Variants in RAD18 observed in about 807,000 individuals in gnomAD.
RAD18 encodes RAD18 E3 ubiquitin protein ligase, also known as E3 ubiquitin-protein ligase RAD18.
In RAD18, 47 loss-of-function variants were observed where a neutral mutation model predicts 60.4. The ratio of observed to expected loss-of-function variants is 0.78; its 90% CI spans 0.62 to 0.99. RAD18 has a LOEUF of 0.99. Among genes scored for constraint, RAD18 ranks in the 50% least tolerant of loss-of-function variants. The pLI is 0.00. For synonymous variants in RAD18, 225 were observed against 195.5 expected (o/e 1.15, Z -1.26); for missense variants, 640 against 593.3 (o/e 1.08, Z -0.82).
intron 2 of RAD18, among the ~76,000 whole-genome samples, chr3:8,955,010 A>G (rs1281235414): frequency 6.6e-6 from 1 of 152,226 alleles, no homozygotes; most frequent in Non-Finnish European, 1.5e-5. Context: ...ACTTCCTCTT[A>G]AAGAATGGCA....
chr3:8,884,134 G>C (rs984012237), intron 12 of RAD18, among the ~76,000 whole-genome samples: 3 of 152,206 alleles, frequency 2.0e-5, no homozygotes, highest in African/African-American at 7.2e-5. Flanking sequence ...CAGCCTGCTG[G>C]TCCTCACCAT....
In RAD18 at chr3:8,879,494, A is replaced by G. The variant is rs755785443; in HGVS notation, c.*1863T>C. 1.3e-5 allele frequency: 2 copies of G among 152,278 alleles called. No homozygotes were observed. Among genetic ancestry groups the G allele is most frequent in the Non-Finnish European group, 2.9e-5 (2 of 68,100 alleles). The allele number at this position is 152,278 out of a possible 1,614,324, so 9.4% of individuals were successfully genotyped here. ...TGATCTTGGACTTCCAGCCTCCAGA[A>G]TTCTGAGAATACACATTTCTGTTGT... On this transcript the variant is annotated 3_prime_UTR_variant, in exon 13 of 13. Coordinates refer to ENST00000264926, the MANE Select transcript of RAD18 (RefSeq NM_020165.4).
chr3:8,929,634 C>A (rs563483715), intron 7 of RAD18, among the ~76,000 whole-genome samples: 1 of 120,786 alleles, frequency 8.3e-6, no homozygotes, highest in Non-Finnish European at 1.7e-5. Flanking sequence ...CATGGAGCAA[C>A]TGGAATTAAT....
At chr3:8,913,496 T>C (rs1266385391) in intron 8 of RAD18, 148 bp downstream of exon 8, 3 of 533,224 alleles carry the variant, frequency 5.6e-6, no homozygotes, top group African/African-American at 4.0e-5. Context: ...TCAAATATTG[T>C]CCTAAAATGA....
At chr3:8,945,468 C>CTTGTTT (rs1940824129) in intron 4 of RAD18, among the ~76,000 whole-genome samples, 1 of 96,374 alleles carries the variant, frequency 1.0e-5, no homozygotes, top group Non-Finnish European at 2.0e-5. Flanking sequence ...TTTCCATCTT[C>CTTGTTT]TTTTTTTTTT....
chr3:8,889,809 T>C (rs917530059), intron 12 of RAD18, among the ~76,000 whole-genome samples: 20 of 152,196 alleles, frequency 1.3e-4, no homozygotes, highest in African/African-American at 3.9e-4. Flanking sequence ...CATTCAAGAT[T>C]TTTAGAGCAG....
intron 7 of RAD18, among the ~76,000 whole-genome samples, chr3:8,927,972 G>C (rs1216145107): frequency 6.6e-6 from 1 of 150,846 alleles, no homozygotes; most frequent in Non-Finnish European, 1.5e-5. Context: ...TGACGAGTTA[G>C]TGGGGGCAGC....
At chr3:8,961,116 T>C (rs934551351) in intron 1 of RAD18, among the ~76,000 whole-genome samples, 10 of 152,136 alleles carry the variant, frequency 6.6e-5, no homozygotes, top group Non-Finnish European at 1.2e-4. Flanking sequence ...CCTCTTCTGG[T>C]GGAGGAATGA....
chr3:8,949,096 A>G (rs1257835099), intron 2 of RAD18, among the ~76,000 whole-genome samples: 1 of 152,230 alleles, frequency 6.6e-6, no homozygotes, highest in African/African-American at 2.4e-5. Flanking sequence ...AGGAGCTAAT[A>G]AAATAGTGAA....
At chr3:8,909,968 G>A (rs1264971786) in intron 9 of RAD18, among the ~76,000 whole-genome samples, 1 of 152,210 alleles carries the variant, frequency 6.6e-6, no homozygotes, top group Non-Finnish European at 1.5e-5. Flanking sequence ...CCTGGCAAAT[G>A]TATTCTACCA....
chr3:8,916,722 G>T (rs1003422889), intron 7 of RAD18, among the ~76,000 whole-genome samples: 3 of 151,730 alleles, frequency 2.0e-5, no homozygotes, highest in African/African-American at 7.3e-5. Context: ...CACAGTAACA[G>T]ATAACTTGAC....
chr3:8,915,147 CAAAAA>C (rs373157801), intron 7 of RAD18, among the ~76,000 whole-genome samples: 1 of 101,456 alleles, frequency 9.9e-6, no homozygotes, highest in Non-Finnish European at 1.9e-5. Context: ...GACTCCGTCT[CAAAAA>C]AAAAAAAAAA....
intron 7 of RAD18, among the ~76,000 whole-genome samples, chr3:8,927,161 C>A (rs1033580354): frequency 5.9e-5 from 9 of 152,200 alleles, no homozygotes; most frequent in Non-Finnish European, 1.3e-4. Context: ...ATCTACTCAT[C>A]TGACAAAGGG....
intron 7 of RAD18, among the ~76,000 whole-genome samples, chr3:8,933,237 C>T (rs1325859733): frequency 2.0e-5 from 3 of 151,998 alleles, no homozygotes; most frequent in African/African-American, 4.8e-5. Context: ...TTGTGTAATT[C>T]CACTTATGTG....
At position 8,879,032 on chromosome 3, in the gene RAD18, A is replaced by C. The variant is rs935630755; in HGVS notation, c.*2325T>G. 5 of 152,220 alleles carry C rather than the reference A, an allele frequency of 3.3e-5. No homozygotes were observed. Among genetic ancestry groups the C allele is most frequent in the African/African-American group, 1.2e-4 (5 of 41,448 alleles). 9.4% of individuals were successfully genotyped at this position (152,220 alleles called of 1,614,324 possible). On this transcript the variant is annotated 3_prime_UTR_variant, in exon 13 of 13. Coordinates refer to ENST00000264926, the MANE Select transcript of RAD18 (RefSeq NM_020165.4). Reference sequence around the variant, plus strand: ...GAACATACATTTCTTTCAATGTATGAATATTAAACATATGCTAAGTGCTAA... The same window carrying C: ...GAACATACATTTCTTTCAATGTATGCATATTAAACATATGCTAAGTGCTAA...
intron 8 of RAD18, among the ~76,000 whole-genome samples, chr3:8,912,709 GCTGA>G (rs45568337): frequency 0.7 from 105,859 of 151,728 alleles, 37,389 homozygotes; most frequent in Middle Eastern, 0.76. Context: ...ACGACACTTA[GCTGA>G]CTATTAGTAA....
intron 7 of RAD18, among the ~76,000 whole-genome samples, chr3:8,917,594 G>A (rs1312752998): frequency 6.6e-6 from 1 of 151,948 alleles, no homozygotes; most frequent in Non-Finnish European, 1.5e-5. Flanking sequence ...AATGAAAGAT[G>A]TACACTGCAA....
At chr3:8,946,213 A>C (rs972117134) in intron 4 of RAD18, among the ~76,000 whole-genome samples, 1 of 152,230 alleles carries the variant, frequency 6.6e-6, no homozygotes, top group East Asian at 1.9e-4. Context: ...TTCTATGTTT[A>C]GATACACTAA....
intron 12 of RAD18, among the ~76,000 whole-genome samples, chr3:8,887,569 C>G (rs573459091): frequency 6.6e-6 from 1 of 152,120 alleles, no homozygotes; most frequent in Non-Finnish European, 1.5e-5. Context: ...TTTTGGTTGG[C>G]GTATCATTTG....
Sources: allele counts gnomAD v4.1 joint callset (sites outside exome capture counted in the v4.1 genomes callset), GRCh38; gene constraint gnomAD v4.1.1; transcripts MANE v1.5; gene names NCBI Gene and HGNC (gene_info 2026-07-23, HGNC 2026-07-21).